The following ST6GALNAC3 variants were observed in gnomAD, a reference collection of about 807,000 sequenced individuals.
ST6GALNAC3 encodes ST6 N-acetylgalactosaminide alpha-2,6-sialyltransferase 3, also known as alpha-N-acetylgalactosaminide alpha-2,6-sialyltransferase 3.
A neutral mutation model predicts 32.7 loss-of-function variants in ST6GALNAC3; 25 were observed. The ratio of observed to expected loss-of-function variants is 0.76; its 90% CI spans 0.56 to 1.07. The LOEUF (loss-of-function observed/expected upper bound fraction) is 1.07. Ranked by LOEUF, ST6GALNAC3 falls within the 50% of genes least tolerant of loss-of-function variation. The pLI, the probability that ST6GALNAC3 is intolerant of heterozygous loss-of-function variation, is 0.00. For missense variants in ST6GALNAC3, 355 were observed against 382.4 expected, an observed-to-expected ratio of 0.93 and a Z score of 0.60; for synonymous variants, 129 against 133.1, an observed-to-expected ratio of 0.97 and a Z score of 0.21.
chr1:76,485,972 T>G (rs1295895918), intron 3 of ST6GALNAC3, among the ~76,000 whole-genome samples: 1 of 152,218 alleles, frequency 6.6e-6, no homozygotes, highest in Non-Finnish European at 1.5e-5. Flanking sequence ...TGCCTTCATT[T>G]TGTTATGCAC....
At chr1:76,236,025 G>C (rs1656635999) in intron 1 of ST6GALNAC3, among the ~76,000 whole-genome samples, 1 of 151,936 alleles carries the variant, frequency 6.6e-6, no homozygotes, top group African/African-American at 2.4e-5. Context: ...GCCCAGGCTG[G>C]AGTGCAAGGA....
At chr1:76,115,305 A>C (rs1304461378) in intron 1 of ST6GALNAC3, among the ~76,000 whole-genome samples, 1 of 152,038 alleles carries the variant, frequency 6.6e-6, no homozygotes, top group African/African-American at 2.4e-5. Flanking sequence ...TAAGTAAACC[A>C]AGTAGCTCCT....
At position 76,270,507 on chromosome 1, in the gene ST6GALNAC3, C is replaced by CAAAAAAAAA. The variant is rs34410935; in HGVS notation, c.19-43280_19-43272dup. On this transcript the variant is annotated intron_variant, in intron 1 of 4. Transcript: ENST00000328299. ...AGGTGACAAGAGTGAAACTCTGTCT[C>CAAAAAAAAA]AAAAAAAAAAAAAAAAAAAAAAAAA... 7.8e-5 allele frequency among the ~76,000 whole-genome samples: 5 copies of CAAAAAAAAA among 64,124 alleles called. No individual in the cohort carries two copies. The East Asian group carries it at 2.8e-3, about 36-fold the overall frequency. The allele number at this position is 64,124 out of a possible 152,430, so 42.1% of individuals were successfully genotyped here.
intron 3 of ST6GALNAC3, among the ~76,000 whole-genome samples, chr1:76,573,745 AAC>A (rs944133411): frequency 4.6e-5 from 7 of 151,996 alleles, no homozygotes; most frequent in African/African-American, 1.7e-4. Context: ...ATAAAAAATA[AAC>A]ACATTTGTGA....
At chr1:76,181,414 T>C (rs928751945) in intron 1 of ST6GALNAC3, among the ~76,000 whole-genome samples, 4 of 152,226 alleles carry the variant, frequency 2.6e-5, no homozygotes, top group African/African-American at 7.2e-5. Context: ...GCTTGAATGA[T>C]CTTTGAATAA....
At chr1:76,475,073 A>T (rs368315611) in intron 3 of ST6GALNAC3, among the ~76,000 whole-genome samples, 42 of 152,244 alleles carry the variant, frequency 2.8e-4, no homozygotes, top group African/African-American at 1.0e-3. Flanking sequence ...CCGTGTGTGC[A>T]TAGGGAGGAA....
At chr1:76,183,085 G>C (rs34508435) in intron 1 of ST6GALNAC3, among the ~76,000 whole-genome samples, 2 of 151,976 alleles carry the variant, frequency 1.3e-5, no homozygotes, top group African/African-American at 4.8e-5. Flanking sequence ...TTTAATATAT[G>C]GTTATGGAGA....
At chr1:76,389,182 A>C (rs1439887075) in intron 2 of ST6GALNAC3, among the ~76,000 whole-genome samples, 1 of 152,026 alleles carries the variant, frequency 6.6e-6, no homozygotes, top group Non-Finnish European at 1.5e-5. Context: ...GCTCTGGGCT[A>C]GGTCCTGCAT....
chr1:76,356,809 A>G (rs759326789), intron 2 of ST6GALNAC3, among the ~76,000 whole-genome samples: 3 of 152,306 alleles, frequency 2.0e-5, no homozygotes, highest in South Asian at 2.1e-4. Context: ...GAACTATTAT[A>G]ATAGCCACCA....
chr1:76,412,652 C>G (rs1654343061), intron 3 of ST6GALNAC3, among the ~76,000 whole-genome samples: 1 of 151,994 alleles, frequency 6.6e-6, no homozygotes, highest in African/African-American at 2.4e-5. Context: ...TGGATACTTC[C>G]CCAAGGTATC....
chr1:76,613,002 G>A (rs1327308222), intron 3 of ST6GALNAC3, among the ~76,000 whole-genome samples: 1 of 152,214 alleles, frequency 6.6e-6, no homozygotes, highest in African/African-American at 2.4e-5. Flanking sequence ...GGAAGCCATA[G>A]CAGTAAGTGG....
At chr1:76,349,770 T>C (rs1179543331) in intron 2 of ST6GALNAC3, among the ~76,000 whole-genome samples, 1 of 152,200 alleles carries the variant, frequency 6.6e-6, no homozygotes, top group Non-Finnish European at 1.5e-5. Context: ...TTCCCAAAGT[T>C]GGATCATTAT....
At chr1:76,109,453 C>A (rs1647771438) in intron 1 of ST6GALNAC3, among the ~76,000 whole-genome samples, 2 of 152,200 alleles carry the variant, frequency 1.3e-5, no homozygotes, top group African/African-American at 4.8e-5. Context: ...GGCTCATTGT[C>A]TACAGCCTTC....
chr1:76,392,127 A>T (rs1017880724), intron 2 of ST6GALNAC3, among the ~76,000 whole-genome samples: 2 of 152,154 alleles, frequency 1.3e-5, no homozygotes, highest in Non-Finnish European at 2.9e-5. Flanking sequence ...GTATCCCCCA[A>T]TTGTAACAAT....
intron 1 of ST6GALNAC3, among the ~76,000 whole-genome samples, chr1:76,202,268 A>ATTG (rs1553164836): frequency 3.1e-4 from 45 of 145,434 alleles, no homozygotes; most frequent in Admixed American, 8.2e-4. Context: ...GTGTGCATGC[A>ATTG]TGTGTGTGTG....
intron 1 of ST6GALNAC3, among the ~76,000 whole-genome samples, chr1:76,238,617 T>C (rs904219499): frequency 2.0e-5 from 3 of 151,916 alleles, no homozygotes; most frequent in Non-Finnish European, 4.4e-5. Context: ...CTGTAGACAA[T>C]AGGCAGAGAG....
intron 1 of ST6GALNAC3, among the ~76,000 whole-genome samples, chr1:76,104,826 G>C (rs187661362): frequency 7.0e-4 from 107 of 152,232 alleles, no homozygotes; most frequent in South Asian, 2.5e-3. Context: ...AAGGTGAAAG[G>C]CATGCCTCAC....
At chr1:76,123,175 C>A (rs1215209124) in intron 1 of ST6GALNAC3, among the ~76,000 whole-genome samples, 1 of 152,078 alleles carries the variant, frequency 6.6e-6, no homozygotes, top group Non-Finnish European at 1.5e-5. Flanking sequence ...AGTTCGAGAC[C>A]AGCCTGGCCA....
chr1:76,304,877 G>A (rs889478818), intron 1 of ST6GALNAC3, among the ~76,000 whole-genome samples: 2 of 152,028 alleles, frequency 1.3e-5, no homozygotes, highest in African/African-American at 2.4e-5. Flanking sequence ...GGTACGAATG[G>A]ATTCTAAGAG....
Sources: allele counts gnomAD v4.1 joint callset (sites outside exome capture counted in the v4.1 genomes callset), GRCh38; gene constraint gnomAD v4.1.1; transcripts MANE v1.5; gene names NCBI Gene and HGNC (gene_info 2026-07-23, HGNC 2026-07-21).